Variants in RHCE observed in about 807,000 individuals in gnomAD.
RHCE encodes blood group Rh(CE) polypeptide.
Under a neutral mutation model 43.8 loss-of-function variants are expected in RHCE, and 22 were observed. That is an observed-to-expected ratio of 0.50 (90% CI 0.36 to 0.72). The LOEUF (loss-of-function observed/expected upper bound fraction) is 0.72. Ranked by LOEUF, RHCE falls within the 30% of genes least tolerant of loss-of-function variation. The pLI is 0.00. For synonymous variants in RHCE, 156 were observed against 210.7 expected, an observed-to-expected ratio of 0.74 and a Z score of 2.25; for missense variants, 385 against 525.4, an observed-to-expected ratio of 0.73 and a Z score of 2.61.
At chr1:25,382,982 AC>A (rs765910919) in intron 7 of RHCE, among the ~76,000 whole-genome samples, 1 of 152,238 alleles carries the variant, frequency 6.6e-6, no homozygotes, top group Non-Finnish European at 1.5e-5. Flanking sequence ...AAAAAGAGAT[AC>A]AATGAAAACA....
At chr1:25,402,194 G>GTCTATCTATCTA (rs1425836561) in intron 3 of RHCE, among the ~76,000 whole-genome samples, 1 of 136,814 alleles carries the variant, frequency 7.3e-6, no homozygotes, top group African/African-American at 2.7e-5. Flanking sequence ...CTGTCTGTCT[G>GTCTATCTATCTA]TCTGTCTGTC....
chr1:25,373,903 C>T (rs1364907760), intron 8 of RHCE, among the ~76,000 whole-genome samples: 6 of 151,136 alleles, frequency 4.0e-5, no homozygotes, highest in African/African-American at 1.2e-4. Flanking sequence ...TCACTATAAC[C>T]TCCACCTCCT....
At chr1:25,391,387 C>A (rs1646357653) in intron 4 of RHCE, among the ~76,000 whole-genome samples, 4 of 152,010 alleles carry the variant, frequency 2.6e-5, no homozygotes, top group East Asian at 3.9e-4. Flanking sequence ...GGGTTTCGCC[C>A]TGTTGGCCAG....
At position 25,406,763 on chromosome 1, in the gene RHCE, C is replaced by G. The variant is rs1460285950; in HGVS notation, c.335+1920G>C. On this transcript the variant is annotated intron_variant, in intron 2 of 9. Coordinates refer to ENST00000294413, the MANE Select transcript of RHCE (RefSeq NM_020485.8). ...GCCTCAGCCTCCCGAGTGGCTGGGA[C>G]TACAGGCGCCCGCCACCACGCCCAG... Among the ~76,000 whole-genome samples, 28 of 117,996 alleles carry G rather than the reference C, an allele frequency of 2.4e-4. 2 individuals are homozygous for G. The highest frequency in any genetic ancestry group is 6.7e-4 in the African/African-American group (26 of 38,640). The allele number at this position is 117,996 out of a possible 152,430, so 77.4% of individuals were successfully genotyped here. A position where few individuals can be genotyped will look rare whatever the true frequency, so the allele number is the denominator to read the frequency against.
rs146110897 is a variant in RHCE, at chr1:25,369,545, C to A, written c.1227+922G>T. ...CCAACCTTCTTCACCTTCTTTCTAG[C>A]CCAGTCACAACAACAAATGCTACAA... is the stretch of plus-strand genomic sequence containing the variant. On this transcript the variant is annotated intron_variant, in intron 9 of 9. Coordinates refer to ENST00000294413, the MANE Select transcript of RHCE (RefSeq NM_020485.8). Among the ~76,000 whole-genome samples the A allele has an allele frequency of 2.4e-3, 363 of 151,410 alleles. 3 individuals are homozygous for A. Among genetic ancestry groups the A allele is most frequent in the South Asian group, 0.017 (81 of 4,814 alleles).
chr1:25,390,782 T>C lies in RHCE; in HGVS notation c.768A>G (p.Ser256=). The C allele has an allele frequency of 6.2e-7, 1 of 1,614,244 alleles. No homozygotes were observed. ...AVSVVTAISG[S]SLAHPQRKIS... is the part of the protein sequence containing the mutation. Reference sequence around the variant, plus strand: ...TCTTCCTTTGGGGGTGAGCCAAGGATGACCCTGAGATGGCTGTCACCACAC... The same window carrying C: ...TCTTCCTTTGGGGGTGAGCCAAGGACGACCCTGAGATGGCTGTCACCACAC... Residue 256 remains serine, a synonymous_variant, in exon 5 of 10, where the codon TCA becomes TCG. Coordinates refer to ENST00000294413, the MANE Select transcript of RHCE (RefSeq NM_020485.8).
At chr1:25,429,971 C>T (rs570690795) in exon 1 of RHCE, 1 of 152,234 alleles carries the variant, frequency 6.6e-6, no homozygotes, top group East Asian at 1.9e-4. Context: ...AATCGGCGCT[C>T]AATGAGTACG....
rs770948090 is a variant in RHCE at position 25,388,997 on chromosome 1, G to T, written c.918C>A (p.Ile306=). 5 of 1,614,098 alleles carry T rather than the reference G, an allele frequency of 3.1e-6. No homozygotes were observed. The highest frequency in any genetic ancestry group is 1.1e-5 in the South Asian group (1 of 91,090). ...VLGLVAGLIS[I]GGAKCLPVCC... is the part of the protein sequence containing the mutation. ...TTACCGGCAGGCACTTGGCTCCCCCGATGGAGATCAGCCCAGCCACAAGAC... is the reference window on the plus strand; with the variant it reads ...TTACCGGCAGGCACTTGGCTCCCCCTATGGAGATCAGCCCAGCCACAAGAC... The change falls in exon 6 of 10, where the codon ATC becomes ATA. Residue 306 remains isoleucine (I), a synonymous_variant. Coordinates refer to ENST00000294413, the MANE Select transcript of RHCE (RefSeq NM_020485.8).
At chr1:25,386,840 A>AAC (rs1491368001) in intron 6 of RHCE, among the ~76,000 whole-genome samples, 5,046 of 125,854 alleles carry the variant, frequency 0.04, 259 homozygotes, top group African/African-American at 0.15. Flanking sequence ...CAACAACAAC[A>AAC]AAACACACAC....
At chr1:25,368,447 G>A (rs1257479651) in intron 9 of RHCE, among the ~76,000 whole-genome samples, 2 of 109,984 alleles carry the variant, frequency 1.8e-5, no homozygotes, top group Non-Finnish European at 3.6e-5. Context: ...CCGGCAGATA[G>A]CACCCAGAGC....
At chr1:25,370,019 G>A (rs1163060275) in intron 9 of RHCE, among the ~76,000 whole-genome samples, 2 of 151,532 alleles carry the variant, frequency 1.3e-5, no homozygotes, top group Non-Finnish European at 1.5e-5. Context: ...GATTACAGGC[G>A]TCAGCCACCG....
At position 25,411,529 on chromosome 1, in the gene RHCE, C is replaced by T; in HGVS notation, c.149-2660G>A. ...CTGACATTTCCAAATCAACCTGACA[C>T]CACCAGGATATAGGAGACCCCCAAG... On this transcript the variant is annotated intron_variant, in intron 1 of 9. Coordinates refer to ENST00000294413, the MANE Select transcript of RHCE (RefSeq NM_020485.8). The T allele has an allele frequency of 6.1e-6, 9 of 1,471,732 alleles. No homozygotes were observed. The South Asian group carries it at 1.2e-4, about 20-fold the overall frequency. 91.2% of individuals were successfully genotyped at this position (1,471,732 alleles called of 1,614,324 possible).
intron 2 of RHCE, among the ~76,000 whole-genome samples, chr1:25,406,672 C>A (rs2124493791): frequency 9.1e-6 from 1 of 109,938 alleles, no homozygotes; most frequent in African/African-American, 2.8e-5. Flanking sequence ...GTCGCCCAGG[C>A]TAGAGTGCAG....
rs1468533734 is a variant in RHCE at position 25,407,750 on chromosome 1, C to A, written c.335+933G>T. 7.1e-4 allele frequency among the ~76,000 whole-genome samples: 88 copies of A among 123,398 alleles called. 8 individuals carry two copies. Among genetic ancestry groups the A allele is most frequent in the African/African-American group, 2.2e-3 (87 of 39,986 alleles). The allele number at this position is 123,398 out of a possible 152,430, so 81.0% of individuals were successfully genotyped here. On this transcript the variant is annotated intron_variant, in intron 2 of 9. Transcript: ENST00000294413. ...GTATAGCTTGATGTGTAATCATCAC[C>A]CAGGTGAACACAGAGAACATTTTCT... is the stretch of plus-strand genomic sequence containing the variant.
chr1:25,411,570 T>G (rs1647079991), intron 1 of RHCE: 1 of 1,027,800 alleles, frequency 9.7e-7, no homozygotes, highest in Non-Finnish European at 1.4e-6. Context: ...CCACGGGACC[T>G]GGGGATTTGG....
intron 1 of RHCE, among the ~76,000 whole-genome samples, chr1:25,410,341 T>C (rs2124507506): frequency 6.6e-6 from 1 of 152,342 alleles, no homozygotes; most frequent in Non-Finnish European, 1.5e-5. Context: ...TTGAAGAATT[T>C]TTTTTTTCCC....
intron 1 of RHCE, among the ~76,000 whole-genome samples, chr1:25,416,827 G>GGT (rs1393746781): frequency 9.5e-5 from 14 of 147,056 alleles, no homozygotes; most frequent in African/African-American, 3.5e-4. Context: ...GGCGGGGGGG[G>GGT]GTCTCCCTAT....
chr1:25,385,258 G>A lies in RHCE; in HGVS notation c.1073+453C>T, dbSNP rs1287775022. Reference sequence around the variant, plus strand: ...TCCCTGCATTAGCTTATTAAATCCAGTAGCATCCCAACAGCCCTGTGAGGG... The same window carrying A: ...TCCCTGCATTAGCTTATTAAATCCAATAGCATCCCAACAGCCCTGTGAGGG... On this transcript the variant is annotated intron_variant, in intron 7 of 9. Coordinates refer to ENST00000294413, the MANE Select transcript of RHCE (RefSeq NM_020485.8). Among the ~76,000 whole-genome samples, 4 of 152,326 alleles carry A rather than the reference G, an allele frequency of 2.6e-5. No individual in the cohort carries two copies. In the East Asian group the frequency reaches 7.7e-4, roughly 29 times the overall value.
intron 7 of RHCE, among the ~76,000 whole-genome samples, chr1:25,379,194 AG>A (rs1372396957): frequency 6.6e-6 from 1 of 151,800 alleles, no homozygotes; most frequent in African/African-American, 2.4e-5. Context: ...ACATGGCAAG[AG>A]GGCAAGAGCA....
Sources: gnomAD v4.1 joint callset for allele counts (sites outside exome capture counted in the v4.1 genomes callset) on GRCh38, gnomAD v4.1.1 for gene constraint, MANE v1.5 for transcripts, NCBI Gene and HGNC (gene_info 2026-07-23, HGNC 2026-07-21) for gene names.